Variants in ATAD5 observed in about 807,000 individuals in gnomAD.
ATAD5 encodes the protein ATPase family AAA domain-containing protein 5.
Under a neutral mutation model 176.9 loss-of-function variants are expected in ATAD5, and 58 were observed. The ratio of observed to expected loss-of-function variants is 0.33; its 90% CI spans 0.27 to 0.41. ATAD5 has a LOEUF of 0.41. Among genes scored for constraint, ATAD5 ranks in the 10% least tolerant of loss-of-function variants. ATAD5 has a pLI of 1.00. For synonymous variants in ATAD5, 640 were observed against 712.6 expected (o/e 0.90, Z 1.62); for missense variants, 1,789 against 2,094.1 (o/e 0.85, Z 2.84).
At chr17:30,841,578 C>CAATTTT (rs563182138) in intron 4 of ATAD5, among the ~76,000 whole-genome samples, 86 of 152,260 alleles carry the variant, frequency 5.6e-4, no homozygotes, top group African/African-American at 2.0e-3. Flanking sequence ...TTACCGTAGT[C>CAATTTT]AATTTTGGAA....
chr17:30,845,975 G>A (rs564576888), intron 6 of ATAD5, among the ~76,000 whole-genome samples: 3 of 152,142 alleles, frequency 2.0e-5, no homozygotes, highest in African/African-American at 4.8e-5. Context: ...AGCAACATGG[G>A]TTTAGATTAT....
rs1404237100 is a variant in ATAD5, at chr17:30,835,941, T to C, written c.1860T>C (p.Asn620=). ...TTGATTCTGACGATGTACAAGATAA[T>C]AGTCAACTAAAGGCTTCCACTCAAA... ...RGIDSDDVQD[N]SQLKASTQKA... is the part of the protein sequence containing the mutation. The change falls in exon 2 of 23, where the codon AAT becomes AAC. Residue 620 remains asparagine (N), a synonymous_variant. Transcript: ENST00000321990. 3 of 1,614,096 alleles carry C rather than the reference T, an allele frequency of 1.9e-6. No homozygotes were observed. In the South Asian group the frequency reaches 3.3e-5, roughly 18 times the overall value.
At chr17:30,850,833 TTATA>T (rs1312470807) in intron 6 of ATAD5, among the ~76,000 whole-genome samples, 922 of 27,704 alleles carry the variant, frequency 0.033, 17 homozygotes, top group Non-Finnish European at 0.043. Flanking sequence ...TTATATATTT[TTATA>T]TATATATATA....
At chr17:30,884,163 G>A (rs968214620) in intron 18 of ATAD5, among the ~76,000 whole-genome samples, 20 of 150,288 alleles carry the variant, frequency 1.3e-4, no homozygotes, top group African/African-American at 3.6e-4. Flanking sequence ...TGTTGTGACC[G>A]GCTTTTTTTT....
At chr17:30,874,607 CTATT>C (rs200064158) in intron 14 of ATAD5, among the ~76,000 whole-genome samples, 31,172 of 132,898 alleles carry the variant, frequency 0.23, 3,721 homozygotes, top group Middle Eastern at 0.29. Flanking sequence ...ATCTGTTCAA[CTATT>C]TATTTATTTA....
At chr17:30,879,272 G>A in intron 17 of ATAD5, 151 bp from the exon 18 acceptor site, 1 of 774,350 alleles carries the variant, frequency 1.3e-6, no homozygotes. Flanking sequence ...AGGAGTTTGA[G>A]GCTGCAGTGA....
chr17:30,835,148 C>T lies in ATAD5; in HGVS notation c.1067C>T (p.Ser356Phe). The T allele has an allele frequency of 6.2e-7, 1 of 1,614,072 alleles. No homozygotes were observed. Among genetic ancestry groups the T allele is most frequent in the Non-Finnish European group, 8.5e-7 (1 of 1,179,990 alleles). ...CAATTTGAAATGGAAAATAGTTTAT[C>T]TGATCCTGAGAATGAACAGACAGTT... ...QKQFEMENSL[S>F]DPENEQTVQK... The change falls in exon 2 of 23, where the codon TCT becomes TTT. Residue 356 changes from serine (S) to phenylalanine (F), a missense_variant. Physicochemically the swap from Ser to Phe is radical, Grantham distance 155. This residue lies in a region of ATAD5 where 696 missense variants were observed against 712.5 expected (regional missense o/e 0.98). Coordinates refer to ENST00000321990, the MANE Select transcript of ATAD5 (RefSeq NM_024857.5).
In ATAD5 at chr17:30,895,050, C is replaced by A; in HGVS notation, c.*137C>A. 1 of 529,300 alleles carries A rather than the reference C, an allele frequency of 1.9e-6. No individual in the cohort carries two copies. The highest frequency in any genetic ancestry group is 3.0e-6 in the Non-Finnish European group (1 of 330,266). The allele number at this position is 529,300 out of a possible 1,614,324, so 32.8% of individuals were successfully genotyped here. The stretch of plus-strand genomic sequence containing the variant: ...AACAATTTGTATATTTTTTTATTGG[C>A]GGGTAAATATTTAAAATATTTGAGT... On this transcript the variant is annotated 3_prime_UTR_variant, in exon 23 of 23. Coordinates refer to ENST00000321990, the MANE Select transcript of ATAD5 (RefSeq NM_024857.5).
At chr17:30,882,423 A>C (rs1012722727) in intron 18 of ATAD5, among the ~76,000 whole-genome samples, 5 of 151,504 alleles carry the variant, frequency 3.3e-5, no homozygotes, top group Non-Finnish European at 7.4e-5. Flanking sequence ...AATTAGCTGG[A>C]TGTAAAAAGA....
At chr17:30,891,726 C>T (rs930165639) in intron 19 of ATAD5, among the ~76,000 whole-genome samples, 15 of 151,772 alleles carry the variant, frequency 9.9e-5, no homozygotes, top group African/African-American at 3.1e-4. Context: ...CGCTCTGTTG[C>T]CGAGGCTGGA....
At position 30,880,620 on chromosome 17, in the gene ATAD5, A is replaced by AAG. The variant is rs565894767; in HGVS notation, c.4077+1134_4077+1135insGA. Among the ~76,000 whole-genome samples, 184 of 152,032 alleles carry AAG rather than the reference A, an allele frequency of 1.2e-3. 1 individual carries two copies. The highest frequency in any genetic ancestry group is 1.6e-3 in the Non-Finnish European group (107 of 67,982). On this transcript the variant is annotated intron_variant, in intron 18 of 22. Transcript: ENST00000321990. ...TGAAACTACATCTCAAAAAAAAAAAAAAAGAAAAAAGAGCTATAATTTAAA... is the reference window on the plus strand; with the variant it reads ...TGAAACTACATCTCAAAAAAAAAAAAAGAAAGAAAAAAGAGCTATAATTTAAA...
intron 10 of ATAD5, 110 bp downstream of exon 10, chr17:30,860,722 T>C: frequency 1.1e-6 from 1 of 910,654 alleles, no homozygotes; most frequent in Non-Finnish European, 1.5e-6. Flanking sequence ...TTTAATTCAA[T>C]TGTATTTTAA....
intron 18 of ATAD5, 112 bp from the exon 19 acceptor site, chr17:30,887,080 G>A: frequency 1.3e-6 from 1 of 776,826 alleles, no homozygotes; most frequent in Non-Finnish European, 2.0e-6. Context: ...GAGCATTTAA[G>A]ATAATGTGAA....
intron 6 of ATAD5, among the ~76,000 whole-genome samples, chr17:30,853,721 A>G (rs910328130): frequency 6.6e-6 from 1 of 151,318 alleles, no homozygotes; most frequent in East Asian, 1.9e-4. Flanking sequence ...CACTACTCCA[A>G]CCTCCCATTC....
chr17:30,885,727 G>A (rs1909290095), intron 18 of ATAD5, among the ~76,000 whole-genome samples: 3 of 141,960 alleles, frequency 2.1e-5, no homozygotes, highest in South Asian at 2.3e-4. Flanking sequence ...TCCACCTCCC[G>A]GGTTTGAGTG....
chr17:30,858,049 C>A (rs774163156), intron 8 of ATAD5, 112 bp from the exon 9 acceptor site: 7 of 1,019,932 alleles, frequency 6.9e-6, no homozygotes, highest in Non-Finnish European at 9.3e-6. Flanking sequence ...CGGCCTAAAG[C>A]TAATCTTACG....
chr17:30,883,269 C>T (rs922031334), intron 18 of ATAD5, among the ~76,000 whole-genome samples: 2 of 151,948 alleles, frequency 1.3e-5, no homozygotes, highest in African/African-American at 4.8e-5. Context: ...GGACCATAGG[C>T]ATGTGCCACC....
chr17:30,838,450 C>T (rs927249115), intron 3 of ATAD5, among the ~76,000 whole-genome samples: 32 of 152,240 alleles, frequency 2.1e-4, no homozygotes, highest in African/African-American at 7.7e-4. Context: ...ATTATTTAAC[C>T]CTTTTTTATA....
chr17:30,869,725 T>C, intron 14 of ATAD5, 79 bp downstream of exon 14: 1 of 1,475,312 alleles, frequency 6.8e-7, no homozygotes, highest in Non-Finnish European at 9.2e-7. Context: ...TATCAGCATT[T>C]TGCCATTTAT....
Sources: allele counts gnomAD v4.1 joint callset (sites outside exome capture counted in the v4.1 genomes callset), GRCh38; gene constraint gnomAD v4.1.1; regional missense constraint gnomAD v4.1.1; transcripts MANE v1.5; gene names NCBI Gene and HGNC (gene_info 2026-07-23, HGNC 2026-07-21).